The following TBC1D16 variants were observed in gnomAD, a reference collection of about 807,000 sequenced individuals.
TBC1D16 encodes the protein CTD-2529O21.1.
In TBC1D16, 58 loss-of-function variants were observed where a neutral mutation model predicts 74.7. That is an observed-to-expected ratio of 0.78 (90% confidence interval 0.63 to 0.97). TBC1D16 has a LOEUF of 0.97. Among genes scored for constraint, TBC1D16 ranks in the 50% least tolerant of loss-of-function variants. The pLI is 0.00. For synonymous variants in TBC1D16, 493 were observed against 474.7 expected (o/e 1.04, Z -0.50); for missense variants, 1,014 against 1,079.5 (o/e 0.94, Z 0.85).
At chr17:80,031,104 C>A (rs140727729) in intron 1 of TBC1D16, among the ~76,000 whole-genome samples, 2,224 of 152,294 alleles carry the variant, frequency 0.015, 32 homozygotes, top group Middle Eastern at 0.044. Flanking sequence ...TTCCTGGGAA[C>A]CCCTGGCTTT....
chr17:79,995,665 G>A (rs1212939200), intron 3 of TBC1D16, among the ~76,000 whole-genome samples: 1 of 150,318 alleles, frequency 6.7e-6, no homozygotes, highest in Non-Finnish European at 1.5e-5. Flanking sequence ...GGCGCCTGTA[G>A]TCCCAGCTAC....
At position 79,988,523 on chromosome 17, in the gene TBC1D16, A is replaced by G. The variant is rs2034933448; in HGVS notation, c.779+21637T>C. Among the ~76,000 whole-genome samples the G allele has an allele frequency of 6.6e-6, 1 of 152,258 alleles. No individual in the cohort carries two copies. The highest frequency in any genetic ancestry group is 6.5e-5 in the Admixed American group (1 of 15,284). On this transcript the variant is annotated intron_variant, in intron 3 of 11. Transcript: ENST00000310924. This position sits in a 1 kb window ranked among gnomAD's most constrained non-coding sequence, Gnocchi z 5.7. ...CCATGGCTGAAAGTCAAACGCGCCCAGAGTCCACAGTCGACCACCTCCCGC... is the reference window on the plus strand; with the variant it reads ...CCATGGCTGAAAGTCAAACGCGCCCGGAGTCCACAGTCGACCACCTCCCGC...
Position 79,940,555 on chromosome 17 carries a change from T to C in TBC1D16, c.*304A>G, listed in dbSNP as rs1328118963. 2.5e-5 allele frequency: 7 copies of C among 275,964 alleles called. No individual in the cohort carries two copies. The highest frequency in any genetic ancestry group is 1.0e-4 in the Admixed American group (2 of 19,982). 17.1% of individuals were successfully genotyped at this position (275,964 alleles called of 1,614,324 possible). A position where few individuals can be genotyped will look rare whatever the true frequency, so the allele number is the denominator to read the frequency against. The stretch of plus-strand genomic sequence containing the variant: ...AGGGTGGAGCAAATCCTGGGACATG[T>C]TGAAATCCTCCAGGGCAGCCAGCAG... On this transcript the variant is annotated 3_prime_UTR_variant, in exon 12 of 12. Coordinates refer to ENST00000310924, the MANE Select transcript of TBC1D16 (RefSeq NM_019020.4). The surrounding 1 kb of genome is among the most constrained non-coding windows in gnomAD (Gnocchi z 5.4).
rs1598337364 is a variant in TBC1D16, at chr17:79,951,538, A to C, written c.1001T>G (p.Val334Gly). 6.2e-7 allele frequency: 1 copy of C among 1,613,784 alleles called. No individual in the cohort carries two copies. The highest frequency in any genetic ancestry group is 8.5e-7 in the Non-Finnish European group (1 of 1,179,902). ...VVASRESQYK[V>G]FHFHHGGLDK... ...CAGGCCGCCGTGGTGGAAGTGGAAA[A>C]CCTTGTACTGGCTCTCTCGGCTGGC... Residue 334 changes from valine (V) to glycine (G), a missense_variant, in exon 5 of 12, where the codon GTT becomes GGT. Transcript: ENST00000310924.
rs2031582740 is a variant in TBC1D16, at chr17:79,936,314, G to T, written c.*4545C>A. ...GCAGGTGTGCTGACTCCGAACCAAG[G>T]GAGAGCTCTCCGTCCTGAGCTCGCT... is the stretch of plus-strand genomic sequence containing the variant. On this transcript the variant is annotated 3_prime_UTR_variant, in exon 12 of 12. Transcript: ENST00000310924. 1 of 152,238 alleles carries T rather than the reference G, an allele frequency of 6.6e-6. No homozygotes were observed. Among genetic ancestry groups the T allele is most frequent in the African/African-American group, 2.4e-5 (1 of 41,446 alleles). The allele number at this position is 152,238 out of a possible 1,614,324, so 9.4% of individuals were successfully genotyped here. A position where few individuals can be genotyped will look rare whatever the true frequency, so the allele number is the denominator to read the frequency against.
At chr17:80,032,516 C>A (rs61269263) in intron 1 of TBC1D16, among the ~76,000 whole-genome samples, 8,189 of 152,192 alleles carry the variant, frequency 0.054, 678 homozygotes, top group African/African-American at 0.18. Context: ...TCAGATGCCA[C>A]CAGACAGCTC....
At position 79,961,030 on chromosome 17, in the gene TBC1D16, A is replaced by G. The variant is rs556602790; in HGVS notation, c.780-8212T>C. Among the ~76,000 whole-genome samples the G allele has an allele frequency of 6.6e-6, 1 of 152,290 alleles. No individual in the cohort carries two copies. The highest frequency in any genetic ancestry group is 1.9e-4 in the East Asian group (1 of 5,182). On this transcript the variant is annotated intron_variant, in intron 3 of 11. Transcript: ENST00000310924. This position sits in a 1 kb window ranked among gnomAD's most constrained non-coding sequence, Gnocchi z 4.8. ...ACACGAAATCTGTGTGTGAATGTTT[A>G]TAGCAGTTTTATTCATCATTGCAGA...
Position 80,010,375 on chromosome 17 carries a change from C to A in TBC1D16, c.564G>T (p.Ser188=), listed in dbSNP as rs372257405. ...CGGTGACATCCTGCGGACTGACCGTCGACAAGATCCCGGAGGGGCTGCAAG... is the reference window on the plus strand; with the variant it reads ...CGGTGACATCCTGCGGACTGACCGTAGACAAGATCCCGGAGGGGCTGCAAG... ...QPACSPSGIL[S]TVSPQDVTEE... Residue 188 remains serine (S), a synonymous_variant, in exon 3 of 12, where the codon TCG becomes TCT. Transcript: ENST00000310924. This position sits in a 1 kb window ranked among gnomAD's most constrained non-coding sequence, Gnocchi z 8.8. 2 of 1,612,016 alleles carry A rather than the reference C, an allele frequency of 1.2e-6. No homozygotes were observed. The highest frequency in any genetic ancestry group is 1.7e-6 in the Non-Finnish European group (2 of 1,179,216).
chr17:80,005,319 G>A (rs1035402227), intron 3 of TBC1D16, among the ~76,000 whole-genome samples: 4 of 152,146 alleles, frequency 2.6e-5, no homozygotes, highest in Admixed American at 1.3e-4. Context: ...CTTTATCCAG[G>A]TCACCAATGC....
chr17:79,999,074 G>A (rs1205875867), intron 3 of TBC1D16, among the ~76,000 whole-genome samples: 5 of 152,010 alleles, frequency 3.3e-5, no homozygotes, highest in South Asian at 2.1e-4. Context: ...CGGCCAACAC[G>A]GCGAAACCCC....
At position 79,939,268 on chromosome 17, in the gene TBC1D16, C is replaced by T. The variant is rs981880909; in HGVS notation, c.*1591G>A. On this transcript the variant is annotated 3_prime_UTR_variant, in exon 12 of 12. Coordinates refer to ENST00000310924, the MANE Select transcript of TBC1D16 (RefSeq NM_019020.4). ...TCTGGGCACTGATGGGGCTCCAGGA[C>T]GGTCTCCTCAAAAGGCTCTTAGGCA... The T allele has an allele frequency of 6.6e-6, 1 of 152,234 alleles. No homozygotes were observed. Among genetic ancestry groups the T allele is most frequent in the East Asian group, 1.9e-4 (1 of 5,196 alleles). 9.4% of individuals were successfully genotyped at this position (152,234 alleles called of 1,614,324 possible).
intron 3 of TBC1D16, among the ~76,000 whole-genome samples, chr17:79,966,348 T>G (rs536487898): frequency 6.6e-6 from 1 of 152,162 alleles, no homozygotes; most frequent in Admixed American, 6.5e-5. Context: ...CAGGTGGACA[T>G]GAATTTGAGG....
intron 10 of TBC1D16, among the ~76,000 whole-genome samples, chr17:79,943,485 G>T (rs756883031): frequency 1.3e-5 from 2 of 152,116 alleles, no homozygotes; most frequent in Non-Finnish European, 2.9e-5. Context: ...CTCGCTCAGG[G>T]GTCACTGAAC....
chr17:79,982,151 C>CTTT (rs796076585), intron 3 of TBC1D16, among the ~76,000 whole-genome samples: 1 of 137,100 alleles, frequency 7.3e-6, no homozygotes, highest in African/African-American at 2.7e-5. Context: ...GTTTTTTTTT[C>CTTT]TTTTTTTTTT....
intron 9 of TBC1D16, 101 bp downstream of exon 9, chr17:79,947,544 A>G: frequency 7.4e-7 from 1 of 1,349,164 alleles, no homozygotes; most frequent in Non-Finnish European, 1.0e-6. Flanking sequence ...ACTGACCTAC[A>G]GCAGCCAAGC....
At chr17:79,948,741 TG>T in intron 8 of TBC1D16, 130 bp downstream of exon 8, 2 of 1,239,974 alleles carry the variant, frequency 1.6e-6, no homozygotes, top group Non-Finnish European at 2.3e-6. Context: ...CCTTCACTTC[TG>T]GGGCTTTGAT....
At chr17:80,017,741 G>C (rs531850819) in intron 1 of TBC1D16, among the ~76,000 whole-genome samples, 1 of 150,110 alleles carries the variant, frequency 6.7e-6, no homozygotes, top group African/African-American at 2.5e-5. Flanking sequence ...GTACAAAACA[G>C]GTGGAAGGCT....
rs1404319344 is a variant in TBC1D16, at chr17:79,935,203, C to T, written c.*5656G>A. On this transcript the variant is annotated 3_prime_UTR_variant, in exon 12 of 12. Transcript: ENST00000310924. ...TCCAGGCACTGGGGTGGGAGCGAGG[C>T]TCCCAGTTGCTCAGAGTTAACCGGC... 1.3e-5 allele frequency: 2 copies of T among 152,266 alleles called. No individual in the cohort carries two copies. Among genetic ancestry groups the T allele is most frequent in the Non-Finnish European group, 2.9e-5 (2 of 68,058 alleles). 9.4% of individuals were successfully genotyped at this position (152,266 alleles called of 1,614,324 possible).
chr17:80,010,571 T>C lies in TBC1D16; in HGVS notation c.368A>G (p.His123Arg). The change falls in exon 3 of 12, where the codon CAC (histidine) becomes CGC (arginine). Residue 123 changes from histidine to arginine, a missense_variant. Transcript: ENST00000310924. This position sits in a 1 kb window ranked among gnomAD's most constrained non-coding sequence, Gnocchi z 8.8. Reference protein sequence around the residue: ...GRRTRSSGASHQPSPTELRPT... With the variant: ...GRRTRSSGASRQPSPTELRPT... ...CCGCAGCTCCGTCGGGGAGGGCTGG[T>C]GGGAGGCTCCTGAGCTCCGGGTGCG... The C allele has an allele frequency of 6.2e-7, 1 of 1,601,472 alleles. No homozygotes were observed.
Sources: gnomAD v4.1 joint callset for allele counts (sites outside exome capture counted in the v4.1 genomes callset) on GRCh38, gnomAD v4.1.1 for gene constraint, Gnocchi (gnomAD v3.1) non-coding constraint, MANE v1.5 for transcripts, NCBI Gene and HGNC (gene_info 2026-07-23, HGNC 2026-07-21) for gene names.